Variants in ABCB11 observed in about 807,000 individuals in gnomAD.
The protein encoded by ABCB11 is ATP binding cassette subfamily B member 11.
In ABCB11, 95 loss-of-function variants were observed where a neutral mutation model predicts 148.0. The observed-to-expected ratio is 0.64, with a 90% CI of 0.54 to 0.76. The LOEUF is 0.76. Among genes scored for constraint, ABCB11 ranks in the 30% least tolerant of loss-of-function variants. The pLI, the probability that ABCB11 is intolerant of heterozygous loss-of-function variation, is 0.00. For synonymous variants in ABCB11, 591 were observed against 555.4 expected, an observed-to-expected ratio of 1.06 and a Z score of -0.90; for missense variants, 1,523 against 1,617.8, an observed-to-expected ratio of 0.94 and a Z score of 1.01.
At chr2:169,019,110 T>C (rs1310114437) in intron 1 of ABCB11, among the ~76,000 whole-genome samples, 1 of 152,126 alleles carries the variant, frequency 6.6e-6, no homozygotes. Flanking sequence ...AGGAAACTGC[T>C]GGCCACCATT....
At chr2:168,933,745 C>T (rs572157089) in intron 23 of ABCB11, among the ~76,000 whole-genome samples, 1 of 88,804 alleles carries the variant, frequency 1.1e-5, no homozygotes, top group East Asian at 7.5e-4. Flanking sequence ...TCTGTAGTTC[C>T]ACTTTTTGTT....
chr2:169,022,995 G>T (rs919614737), intron 1 of ABCB11, among the ~76,000 whole-genome samples: 2 of 152,028 alleles, frequency 1.3e-5, no homozygotes, highest in East Asian at 1.9e-4. Context: ...TAAATTTGGG[G>T]TAATGATCAG....
chr2:168,970,243 A>C, intron 14 of ABCB11, 28 bp from the exon 15 acceptor site: 1 of 1,601,758 alleles, frequency 6.2e-7, no homozygotes, highest in South Asian at 1.1e-5. Context: ...CCAGTCATGA[A>C]GGGAAAAGAA....
intron 21 of ABCB11, among the ~76,000 whole-genome samples, chr2:168,938,939 C>T: frequency 6.6e-6 from 1 of 151,996 alleles, no homozygotes; most frequent in African/African-American, 2.4e-5. Flanking sequence ...AGGGCTCATA[C>T]TCTACATATT....
chr2:168,979,796 A>T, intron 11 of ABCB11, 70 bp downstream of exon 11: 1 of 840,954 alleles, frequency 1.2e-6, no homozygotes, highest in Non-Finnish European at 1.8e-6. Flanking sequence ...TAAATTCTTC[A>T]GGAGTTCATT....
intron 23 of ABCB11, among the ~76,000 whole-genome samples, chr2:168,933,822 G>C (rs1250572658): frequency 6.6e-6 from 1 of 152,174 alleles, no homozygotes; most frequent in East Asian, 1.9e-4. Flanking sequence ...TCAGCTCACT[G>C]TAGCCTCTGC....
intron 5 of ABCB11, among the ~76,000 whole-genome samples, chr2:169,001,158 A>C (rs1027651704): frequency 1.3e-5 from 2 of 152,190 alleles, no homozygotes; most frequent in Non-Finnish European, 2.9e-5. Context: ...CAAATTAAAC[A>C]CACATCAGAC....
intron 19 of ABCB11, among the ~76,000 whole-genome samples, chr2:168,955,379 T>G (rs1692744194): frequency 6.6e-6 from 1 of 151,594 alleles, no homozygotes; most frequent in African/African-American, 2.4e-5. Flanking sequence ...TCAAAAAACT[T>G]ACAATCACGG....
intron 15 of ABCB11, 85 bp downstream of exon 15, chr2:168,969,952 CCCATCCCT>C: frequency 7.4e-6 from 4 of 541,480 alleles, no homozygotes; most frequent in Non-Finnish European, 1.1e-5. Flanking sequence ...ATCAACTACT[CCCATCCCT>C]CCCACCCCAC....
chr2:169,014,532 C>G (rs1695295411), intron 3 of ABCB11, among the ~76,000 whole-genome samples, 178 bp from the exon 4 acceptor site: 7 of 152,168 alleles, frequency 4.6e-5, no homozygotes, highest in Admixed American at 4.6e-4. Flanking sequence ...TTTCCCTCTT[C>G]TAGAGATTTC....
intron 1 of ABCB11, among the ~76,000 whole-genome samples, chr2:169,018,607 C>T (rs976914065): frequency 1.3e-5 from 2 of 152,136 alleles, no homozygotes; most frequent in African/African-American, 4.8e-5. Flanking sequence ...TTTGTAAATG[C>T]AACCTCAAGG....
intron 5 of ABCB11, among the ~76,000 whole-genome samples, chr2:168,997,502 A>T (rs895329844): frequency 5.3e-5 from 8 of 152,036 alleles, no homozygotes; most frequent in Non-Finnish European, 1.0e-4. Flanking sequence ...GGAGGAAAAA[A>T]AAATTCTGAA....
At chr2:168,970,024 T>C (rs1175555966) in intron 15 of ABCB11, 21 bp downstream of exon 15, 1 of 1,370,820 alleles carries the variant, frequency 7.3e-7, no homozygotes, top group Admixed American at 1.9e-5. Flanking sequence ...ACCTGTAAAA[T>C]GGACTAAGAC....
intron 18 of ABCB11, among the ~76,000 whole-genome samples, chr2:168,959,934 C>CAA (rs375450217): frequency 2.8e-3 from 240 of 87,118 alleles, no homozygotes; most frequent in African/African-American, 5.9e-3. Context: ...ACTGCATCTC[C>CAA]AAAAAAAAAA....
chr2:168,990,936 A>G lies in ABCB11; in HGVS notation c.784-11T>C. Reference sequence around the variant, plus strand: ...AAACTTGGACACACTCTAAAAATCAAAAAGAAGAAAAGAAAATGTGAAGTC... The same window carrying G: ...AAACTTGGACACACTCTAAAAATCAGAAAGAAGAAAAGAAAATGTGAAGTC... On this transcript the variant is annotated splice_polypyrimidine_tract_variant and intron_variant, in intron 8 of 27. Transcript: ENST00000650372. The G allele has an allele frequency of 6.2e-7, 1 of 1,608,264 alleles. No individual in the cohort carries two copies. Among genetic ancestry groups the G allele is most frequent in the Non-Finnish European group, 8.5e-7 (1 of 1,177,944 alleles).
At chr2:168,977,845 G>A (rs1268101682) in intron 11 of ABCB11, among the ~76,000 whole-genome samples, 1 of 152,012 alleles carries the variant, frequency 6.6e-6, no homozygotes, top group Non-Finnish European at 1.5e-5. Flanking sequence ...GAACAGCATG[G>A]GGGAAAATGC....
intron 19 of ABCB11, among the ~76,000 whole-genome samples, chr2:168,947,165 G>A (rs952640844): frequency 3.3e-5 from 5 of 151,738 alleles, no homozygotes; most frequent in African/African-American, 1.2e-4. Flanking sequence ...TGTCAAATGC[G>A]TAGATTAACC....
intron 3 of ABCB11, 119 bp downstream of exon 3, chr2:169,016,659 A>G (rs567322097): frequency 1.4e-5 from 11 of 802,192 alleles, no homozygotes; most frequent in Non-Finnish European, 2.2e-5. Flanking sequence ...AATGGATTGT[A>G]TATATTATTT....
At chr2:169,023,159 T>C (rs1212284499) in intron 1 of ABCB11, among the ~76,000 whole-genome samples, 1 of 152,198 alleles carries the variant, frequency 6.6e-6, no homozygotes, top group Non-Finnish European at 1.5e-5. Flanking sequence ...TTTGGAAATA[T>C]CTAGCAAGGC....
Sources: gnomAD v4.1 joint callset for allele counts (sites outside exome capture counted in the v4.1 genomes callset) on GRCh38, gnomAD v4.1.1 for gene constraint, MANE v1.5 for transcripts, NCBI Gene and HGNC (gene_info 2026-07-23, HGNC 2026-07-21) for gene names.